The following NCALD variants were observed in gnomAD, a reference collection of about 807,000 sequenced individuals.
The protein encoded by NCALD is neurocalcin-delta.
Under a neutral mutation model 18.6 loss-of-function variants are expected in NCALD, and 10 were observed. The ratio of observed to expected loss-of-function variants is 0.54; its 90% confidence interval spans 0.33 to 0.91. The LOEUF (loss-of-function observed/expected upper bound fraction) is 0.91, where lower values mean the gene tolerates loss of function less well. Ranked by LOEUF, NCALD falls within the 40% of genes least tolerant of loss-of-function variation. The pLI, the probability that NCALD is intolerant of heterozygous loss-of-function variation, is 0.03. For missense variants in NCALD, 184 were observed against 247.6 expected, an observed-to-expected ratio of 0.74 and a Z score of 1.72; for synonymous variants, 88 against 87.4, an observed-to-expected ratio of 1.01 and a Z score of -0.04.
intron 2 of NCALD, among the ~76,000 whole-genome samples, chr8:101,948,015 G>T (rs1023113182): frequency 3.9e-5 from 6 of 152,264 alleles, no homozygotes; most frequent in Non-Finnish European, 1.5e-5. Flanking sequence ...GTTATGGCCA[G>T]TCTTGGAAGC....
chr8:101,824,308 G>A (rs1813842415), intron 4 of NCALD, among the ~76,000 whole-genome samples: 1 of 152,062 alleles, frequency 6.6e-6, no homozygotes, highest in South Asian at 2.1e-4. Context: ...GCCCAACGCT[G>A]TGTCCATAAA....
chr8:101,886,002 A>G (rs143685676), intron 4 of NCALD, among the ~76,000 whole-genome samples: 1 of 152,348 alleles, frequency 6.6e-6, no homozygotes, highest in African/African-American at 2.4e-5. Flanking sequence ...CCTGATCATT[A>G]CTAGTTACAA....
chr8:102,081,941 A>G (rs530248172), intron 1 of NCALD, among the ~76,000 whole-genome samples: 19 of 152,236 alleles, frequency 1.2e-4, no homozygotes, highest in African/African-American at 4.3e-4. Context: ...AGTGGCCCCA[A>G]CCTACTGCTT....
intron 2 of NCALD, among the ~76,000 whole-genome samples, chr8:101,702,244 T>C (rs78220107): frequency 2.0e-5 from 3 of 152,056 alleles, no homozygotes; most frequent in Non-Finnish European, 4.4e-5. Context: ...TTTTTTTTTT[T>C]CTTTGAGACA....
chr8:101,688,540 T>A lies in NCALD; in HGVS notation c.*769A>T. The A allele has an allele frequency of 2.6e-6, 1 of 380,606 alleles. No individual in the cohort carries two copies. Among genetic ancestry groups the A allele is most frequent in the East Asian group, 7.3e-5 (1 of 13,790 alleles). 23.6% of individuals were successfully genotyped at this position (380,606 alleles called of 1,614,324 possible). A position where few individuals can be genotyped will look rare whatever the true frequency, so the allele number is the denominator to read the frequency against. On this transcript the variant is annotated 3_prime_UTR_variant, in exon 4 of 4. Coordinates refer to ENST00000220931, the MANE Select transcript of NCALD (RefSeq NM_032041.3). ...TTTCATTTAAACAAGGCAAAACACT[T>A]AATTTGGTCTGCATTACCCAATATG...
rs555964604 is a variant in NCALD at position 101,977,351 on chromosome 8, T to C, written c.-157+42886A>G. Among the ~76,000 whole-genome samples, 114 of 152,322 alleles carry C rather than the reference T, an allele frequency of 7.5e-4. 1 individual carries two copies. The Middle Eastern group carries it at 0.01, about 14-fold the overall frequency. On this transcript the variant is annotated intron_variant, in intron 2 of 6. Transcript: ENST00000311028. ...TTATTCAACATTCACACTCTATGTT[T>C]GGATACCTCTGCTGAAAAGTTAAAA...
intron 1 of NCALD, among the ~76,000 whole-genome samples, chr8:101,771,681 C>A (rs1350371096): frequency 6.6e-6 from 1 of 152,074 alleles, no homozygotes; most frequent in Non-Finnish European, 1.5e-5. Flanking sequence ...GTGAAATGGG[C>A]AAGGTTATTA....
chr8:101,850,683 TACTTTC>T (rs1450826429), intron 4 of NCALD, among the ~76,000 whole-genome samples: 1 of 152,256 alleles, frequency 6.6e-6, no homozygotes, highest in Admixed American at 6.5e-5. Context: ...GTTGTATGTT[TACTTTC>T]TCATGACGTA....
In NCALD at chr8:101,688,631, T is replaced by C. The variant is rs1814566709; in HGVS notation, c.*678A>G. ...AAGATGGGTCTGGTTTTGGAATATG[T>C]TACCATTTGTGTTTAATTTCCAAAG... On this transcript the variant is annotated 3_prime_UTR_variant, in exon 4 of 4. Coordinates refer to ENST00000220931, the MANE Select transcript of NCALD (RefSeq NM_032041.3). 4.4e-6 allele frequency: 2 copies of C among 458,568 alleles called. No homozygotes were observed. Among genetic ancestry groups the C allele is most frequent in the African/African-American group, 2.0e-5 (1 of 50,174 alleles). The allele number at this position is 458,568 out of a possible 1,614,324, so 28.4% of individuals were successfully genotyped here.
intron 1 of NCALD, among the ~76,000 whole-genome samples, chr8:101,785,518 G>T (rs1563767536): frequency 6.6e-6 from 1 of 152,168 alleles, no homozygotes; most frequent in Non-Finnish European, 1.5e-5. Context: ...GTCCCTGGAG[G>T]ACTGTGTGGA....
intron 2 of NCALD, among the ~76,000 whole-genome samples, chr8:102,004,572 G>C (rs1336793600): frequency 6.6e-6 from 1 of 152,128 alleles, no homozygotes; most frequent in Non-Finnish European, 1.5e-5. Flanking sequence ...GCATCGCCAA[G>C]TCAATCCTAA....
chr8:101,964,818 G>C (rs928021186), intron 2 of NCALD, among the ~76,000 whole-genome samples: 3 of 152,272 alleles, frequency 2.0e-5, no homozygotes, highest in African/African-American at 7.2e-5. Flanking sequence ...AGGTATGGCA[G>C]CACACATATT....
At chr8:102,050,213 CATT>C (rs1823395837) in intron 1 of NCALD, among the ~76,000 whole-genome samples, 1 of 129,704 alleles carries the variant, frequency 7.7e-6, no homozygotes. Flanking sequence ...GTTTTCTAAT[CATT>C]GAGTTCTAAA....
intron 2 of NCALD, among the ~76,000 whole-genome samples, chr8:102,020,065 T>C (rs565152219): frequency 9.8e-5 from 15 of 152,316 alleles, no homozygotes; most frequent in African/African-American, 3.4e-4. Flanking sequence ...GTGATGAACA[T>C]TTTTGTGCAT....
At chr8:102,021,349 G>A (rs923712641) in intron 1 of NCALD, among the ~76,000 whole-genome samples, 2 of 152,124 alleles carry the variant, frequency 1.3e-5, no homozygotes, top group African/African-American at 2.4e-5. Context: ...CTCACTCATT[G>A]TAGAAACAAT....
intron 4 of NCALD, among the ~76,000 whole-genome samples, chr8:101,882,179 G>A (rs554945): frequency 0.33 from 49,667 of 151,906 alleles, 9,379 homozygotes; most frequent in African/African-American, 0.51. Flanking sequence ...GAAGGATCAC[G>A]CTAACAACAT....
intron 2 of NCALD, among the ~76,000 whole-genome samples, chr8:101,967,388 A>C (rs1820068557): frequency 6.6e-6 from 1 of 152,220 alleles, no homozygotes; most frequent in Non-Finnish European, 1.5e-5. Context: ...TGTAAAAGCA[A>C]TATGAATCCA....
intron 4 of NCALD, among the ~76,000 whole-genome samples, chr8:101,827,697 G>C (rs1409208826): frequency 6.6e-6 from 1 of 152,176 alleles, no homozygotes; most frequent in Non-Finnish European, 1.5e-5. Context: ...TTCTGTCTTA[G>C]ACCAAAACAC....
intron 1 of NCALD, among the ~76,000 whole-genome samples, chr8:101,724,042 AT>A (rs1260552470): frequency 6.6e-6 from 1 of 152,214 alleles, no homozygotes; most frequent in East Asian, 1.9e-4. Flanking sequence ...AGATTTACTA[AT>A]TTAAGAATCC....
Sources: allele counts gnomAD v4.1 joint callset (sites outside exome capture counted in the v4.1 genomes callset), GRCh38; gene constraint gnomAD v4.1.1; transcripts MANE v1.5; gene names NCBI Gene and HGNC (gene_info 2026-07-23, HGNC 2026-07-21).